Variants in IQCH observed in about 807,000 individuals in gnomAD.
The protein encoded by IQCH is IQ domain-containing protein H.
IQCH carries 98 observed loss-of-function variants against 117.0 expected under a neutral mutation model. That is an observed-to-expected ratio of 0.84 (90% CI 0.71 to 0.99). The LOEUF is 0.99. IQCH is among the 50% of genes least tolerant of loss of function. IQCH has a pLI of 0.00. For missense variants in IQCH, 1,102 were observed against 1,243.8 expected, an observed-to-expected ratio of 0.89 and a Z score of 1.72; for synonymous variants, 412 against 448.2, an observed-to-expected ratio of 0.92 and a Z score of 1.02.
chr15:67,363,513 TG>T (rs1306518970), intron 8 of IQCH, among the ~76,000 whole-genome samples: 2 of 152,142 alleles, frequency 1.3e-5, no homozygotes, highest in Non-Finnish European at 2.9e-5. Flanking sequence ...CCCAAAGTGC[TG>T]GGATTACAGG....
rs1971870525 is a variant in IQCH at position 67,405,726 on chromosome 15, G to C, written c.2097+5421G>C. ...AGTACATTTAGGAAAGACCTTATTT[G>C]AAAGTCCTGGGAAGTGTTCTCCCTC... On this transcript the variant is annotated intron_variant, in intron 14 of 20. Transcript: ENST00000335894. This position sits in a 1 kb window ranked among gnomAD's most constrained non-coding sequence, Gnocchi z 4.8. 1 of 152,238 alleles carries C rather than the reference G, an allele frequency of 6.6e-6. No homozygotes were observed. Among genetic ancestry groups the C allele is most frequent in the African/African-American group, 2.4e-5 (1 of 41,464 alleles). The allele number at this position is 152,238 out of a possible 1,614,324, so 9.4% of individuals were successfully genotyped here.
At chr15:67,487,776 T>C (rs1187933562) in intron 18 of IQCH, among the ~76,000 whole-genome samples, 1 of 152,128 alleles carries the variant, frequency 6.6e-6, no homozygotes, top group Admixed American at 6.6e-5. Context: ...AGTTGATGAG[T>C]GGTCCTAATT....
intron 14 of IQCH, among the ~76,000 whole-genome samples, chr15:67,402,457 T>C (rs1241274768): frequency 1.3e-5 from 2 of 152,180 alleles, no homozygotes; most frequent in African/African-American, 4.8e-5. Flanking sequence ...GAATTTAGGA[T>C]TAGAATTCTC....
At chr15:67,428,928 T>C (rs1300868525) in intron 16 of IQCH, among the ~76,000 whole-genome samples, 1 of 151,450 alleles carries the variant, frequency 6.6e-6, no homozygotes, top group Non-Finnish European at 1.5e-5. Context: ...CTGCTGGCCT[T>C]GAACAAGGAG....
At position 67,342,288 on chromosome 15, in the gene IQCH, A is replaced by G. The variant is rs1191711845; in HGVS notation, c.509-1775A>G. Reference sequence around the variant, plus strand: ...TCTCTAAAAAAGCAAAACAAAACAAAGATGCATACAGAGTCCTGTAGGACT... The same window carrying G: ...TCTCTAAAAAAGCAAAACAAAACAAGGATGCATACAGAGTCCTGTAGGACT... On this transcript the variant is annotated intron_variant, in intron 5 of 20. Transcript: ENST00000335894. The surrounding 1 kb of genome is among the most constrained non-coding windows in gnomAD (Gnocchi z 4.7). Among the ~76,000 whole-genome samples, 1 of 152,180 alleles carries G rather than the reference A, an allele frequency of 6.6e-6. No individual in the cohort carries two copies. Among genetic ancestry groups the G allele is most frequent in the Non-Finnish European group, 1.5e-5 (1 of 68,030 alleles).
At chr15:67,455,527 C>G (rs1392281611) in intron 16 of IQCH, among the ~76,000 whole-genome samples, 1 of 152,180 alleles carries the variant, frequency 6.6e-6, no homozygotes, top group Non-Finnish European at 1.5e-5. Flanking sequence ...GTCAAAGAAA[C>G]TGGGAAGGAA....
Position 67,364,216 on chromosome 15 carries a change from T to C in IQCH, c.753+4331T>C, listed in dbSNP as rs1970252124. ...CCTTTTCTCTGCAACCTCACCAGCA[T>C]CTGTTATTTTTTGACCTTTTTATAA... On this transcript the variant is annotated intron_variant, in intron 8 of 20. Transcript: ENST00000335894. The surrounding 1 kb of genome is among the most constrained non-coding windows in gnomAD (Gnocchi z 4.1). 6.6e-6 allele frequency among the ~76,000 whole-genome samples: 1 copy of C among 152,206 alleles called. No homozygotes were observed. The highest frequency in any genetic ancestry group is 6.5e-5 in the Admixed American group (1 of 15,288).
chr15:67,332,728 T>C (rs1329844346), intron 4 of IQCH, among the ~76,000 whole-genome samples: 1 of 151,970 alleles, frequency 6.6e-6, no homozygotes, highest in Non-Finnish European at 1.5e-5. Flanking sequence ...ATCAAGAGAG[T>C]TCTAATTTTC....
intron 5 of IQCH, among the ~76,000 whole-genome samples, chr15:67,339,980 A>G (rs1001794894): frequency 2.0e-5 from 3 of 152,218 alleles, no homozygotes; most frequent in African/African-American, 7.2e-5. Flanking sequence ...CTCTTCTAGA[A>G]GTCCTCCAAA....
chr15:67,343,587 T>C (rs1354912035), intron 5 of IQCH, among the ~76,000 whole-genome samples: 2 of 152,212 alleles, frequency 1.3e-5, no homozygotes, highest in African/African-American at 2.4e-5. Flanking sequence ...ATGAGAAATG[T>C]CTAAAAATAA....
chr15:67,377,378 T>C (rs1596284456), intron 10 of IQCH, among the ~76,000 whole-genome samples: 2 of 152,172 alleles, frequency 1.3e-5, no homozygotes, highest in Admixed American at 6.5e-5. Flanking sequence ...AATATAATTA[T>C]AACAAAATAA....
At chr15:67,256,235 T>C (rs1965188584) in intron 1 of IQCH, among the ~76,000 whole-genome samples, 1 of 152,196 alleles carries the variant, frequency 6.6e-6, no homozygotes, top group Non-Finnish European at 1.5e-5. Flanking sequence ...TTGGTCATCT[T>C]ATCCCTGTGG....
At position 67,484,214 on chromosome 15, in the gene IQCH, C is replaced by T. The variant is rs1382179659; in HGVS notation, c.2800-5789C>T. 6.6e-5 allele frequency among the ~76,000 whole-genome samples: 10 copies of T among 151,824 alleles called. No individual in the cohort carries two copies. In the East Asian group the frequency reaches 7.8e-4, roughly 12 times the overall value. ...TGAGCCCAGGAGTTCGAGACCAGCC[C>T]GGGCAACATGGCAAAACCCTGTCTC... is the stretch of plus-strand genomic sequence containing the variant. On this transcript the variant is annotated intron_variant, in intron 18 of 20. Coordinates refer to ENST00000335894, the MANE Select transcript of IQCH (RefSeq NM_001031715.3).
At position 67,472,820 on chromosome 15, in the gene IQCH, T is replaced by G. The variant is rs2083104246; in HGVS notation, c.2677-2876T>G. Among the ~76,000 whole-genome samples the G allele has an allele frequency of 6.6e-6, 1 of 152,184 alleles. No individual in the cohort carries two copies. Among genetic ancestry groups the G allele is most frequent in the Non-Finnish European group, 1.5e-5 (1 of 68,040 alleles). ...TTATGGAAAAGAAGGTTGGGAGACATGTACCAAATATCCTGGCTCTTCCTT... is the reference window on the plus strand; with the variant it reads ...TTATGGAAAAGAAGGTTGGGAGACAGGTACCAAATATCCTGGCTCTTCCTT... On this transcript the variant is annotated intron_variant, in intron 17 of 20. Transcript: ENST00000335894. This position sits in a 1 kb window ranked among gnomAD's most constrained non-coding sequence, Gnocchi z 4.3.
Position 67,324,488 on chromosome 15 carries a change from T to C in IQCH, c.388-12487T>C, listed in dbSNP as rs959516442. ...AGCCAGGCGTGGTGGCACATGCCTG[T>C]TATCTCAGCTACTCAGGAGGCTGAG... On this transcript the variant is annotated intron_variant, in intron 4 of 20. Transcript: ENST00000335894. Among the ~76,000 whole-genome samples the C allele has an allele frequency of 2.1e-4, 32 of 151,790 alleles. 1 individual carries two copies. The highest frequency in any genetic ancestry group is 7.5e-4 in the African/African-American group (31 of 41,316).
intron 4 of IQCH, among the ~76,000 whole-genome samples, chr15:67,326,998 AG>A (rs1244403538): frequency 6.6e-6 from 1 of 152,202 alleles, no homozygotes; most frequent in Non-Finnish European, 1.5e-5. Context: ...ATTTACTTAA[AG>A]CATTGAAAAT....
chr15:67,326,579 A>G (rs1198754607), intron 4 of IQCH, among the ~76,000 whole-genome samples: 5 of 152,182 alleles, frequency 3.3e-5, no homozygotes, highest in Non-Finnish European at 7.4e-5. Flanking sequence ...TTGCTGTCCC[A>G]CCAGCGGTGT....
intron 4 of IQCH, among the ~76,000 whole-genome samples, chr15:67,318,603 A>G (rs1967963856): frequency 6.6e-6 from 1 of 152,234 alleles, no homozygotes; most frequent in Admixed American, 6.5e-5. Context: ...TTTTCCCCCT[A>G]AAGAAGATTA....
intron 20 of IQCH, among the ~76,000 whole-genome samples, chr15:67,498,289 G>A (rs2141114542): frequency 6.6e-6 from 1 of 152,248 alleles, no homozygotes; most frequent in South Asian, 2.1e-4. Flanking sequence ...CAAATATTAA[G>A]TTGGACCTCT....
Sources: allele counts gnomAD v4.1 joint callset (sites outside exome capture counted in the v4.1 genomes callset), GRCh38; gene constraint gnomAD v4.1.1; non-coding constraint Gnocchi (gnomAD v3.1); transcripts MANE v1.5; gene names NCBI Gene and HGNC (gene_info 2026-07-23, HGNC 2026-07-21).